Variants in ATP8B3 observed in about 807,000 individuals in gnomAD.
ATP8B3 encodes the protein phospholipid-transporting ATPase IK.
ATP8B3 carries 141 observed loss-of-function variants against 140.9 expected under a neutral mutation model. The observed-to-expected ratio is 1.00, with a 90% CI of 0.87 to 1.15. ATP8B3 has a LOEUF of 1.15. Among genes scored for constraint, ATP8B3 ranks in the 50% most tolerant of loss-of-function variants. ATP8B3 has a pLI of 0.00. For synonymous variants in ATP8B3, 765 were observed against 714.6 expected, an observed-to-expected ratio of 1.07 and a Z score of -1.13; for missense variants, 1,874 against 1,740.6, an observed-to-expected ratio of 1.08 and a Z score of -1.36.
chr19:1,811,414 G>A (rs1231749324), intron 2 of ATP8B3, 75 bp downstream of exon 2: 13 of 1,513,446 alleles, frequency 8.6e-6, no homozygotes, highest in Non-Finnish European at 1.1e-5. Context: ...CCCCCCACCT[G>A]CCAGCTCTCT....
chr19:1,802,086 T>TCCACCCCTCAC (rs2068863022), intron 11 of ATP8B3, 42 bp from the exon 12 acceptor site: 1 of 863,090 alleles, frequency 1.2e-6, no homozygotes, highest in African/African-American at 4.9e-5. Flanking sequence ...CACCCACCCA[T>TCCACCCCTCAC]CCACCCCTCA....
chr19:1,809,737 G>T lies in ATP8B3; in HGVS notation c.311-3C>A, dbSNP rs747047651. Reference sequence around the variant, plus strand: ...GGCCTGGACCTTCCAGGTGAATGCTGCAGCGAGAGAGCCGGGCGTCGCTGG... The same window carrying T: ...GGCCTGGACCTTCCAGGTGAATGCTTCAGCGAGAGAGCCGGGCGTCGCTGG... On this transcript the variant is annotated splice_polypyrimidine_tract_variant and splice_region_variant and intron_variant, in intron 3 of 28. Transcript: ENST00000310127. 6 of 1,604,944 alleles carry T rather than the reference G, an allele frequency of 3.7e-6. No individual in the cohort carries two copies. The highest frequency in any genetic ancestry group is 2.6e-6 in the Non-Finnish European group (3 of 1,176,102).
intron 4 of ATP8B3, among the ~76,000 whole-genome samples, chr19:1,809,151 G>C (rs1423136776): frequency 6.6e-6 from 1 of 151,898 alleles, no homozygotes; most frequent in Non-Finnish European, 1.5e-5. Flanking sequence ...TCCAGCCTGG[G>C]CGACAGAGCG....
chr19:1,798,268 G>T (rs2068740500), intron 14 of ATP8B3, among the ~76,000 whole-genome samples: 2 of 151,848 alleles, frequency 1.3e-5, no homozygotes, highest in Admixed American at 1.3e-4. Context: ...CCATTTCTTG[G>T]GGACTTCTCA....
intron 25 of ATP8B3, 120 bp downstream of exon 25, chr19:1,786,982 CT>C (rs2068325961): frequency 2.2e-6 from 2 of 916,678 alleles, no homozygotes; most frequent in South Asian, 1.6e-5. Flanking sequence ...ACTGCACCCC[CT>C]GAGCCCCACC....
chr19:1,800,151 C>G lies in ATP8B3; in HGVS notation c.1348G>C (p.Glu450Gln), dbSNP rs868070059. 1.3e-6 allele frequency: 2 copies of G among 1,557,690 alleles called. No individual in the cohort carries two copies. Among genetic ancestry groups the G allele is most frequent in the Non-Finnish European group, 1.7e-6 (2 of 1,150,296 alleles). ...TIPMSMFILSEFIYLGNSVFI... is the reference protein window; with the variant it reads ...TIPMSMFILSQFIYLGNSVFI... ...ACGCTGTTCCCCAGGTAGATGAACT[C>G]GGACCTGCAGAGGCACTCAGGGTCA... The change falls in exon 14 of 29, where the codon GAG becomes CAG. Residue 450 changes from glutamate to glutamine, a missense_variant. Physicochemically the swap from Glu to Gln is conservative, Grantham distance 29. Transcript: ENST00000310127. The surrounding 1 kb of genome is among the most constrained non-coding windows in gnomAD (Gnocchi z 4.4).
intron 16 of ATP8B3, 38 bp downstream of exon 16, chr19:1,796,673 C>CTG: frequency 6.3e-7 from 1 of 1,592,814 alleles, no homozygotes; most frequent in Non-Finnish European, 8.5e-7. Context: ...GCCCCGGGGG[C>CTG]TGAGCGGCCT....
At chr19:1,808,399 C>T (rs984221508) in intron 4 of ATP8B3, 64 bp from the exon 5 acceptor site, 9 of 1,295,380 alleles carry the variant, frequency 6.9e-6, no homozygotes, top group African/African-American at 1.5e-5. Context: ...ATGGGGGTGC[C>T]CGAGGCCAGA....
In ATP8B3 at chr19:1,806,542, G is replaced by C; in HGVS notation, c.677+86C>G. 1 of 1,536,978 alleles carries C rather than the reference G, an allele frequency of 6.5e-7. No individual in the cohort carries two copies. The highest frequency in any genetic ancestry group is 8.8e-7 in the Non-Finnish European group (1 of 1,142,606). Reference sequence around the variant, plus strand: ...GCCGGGAGATCAGGGAGCACGGAAGGTGATGGACACTTGCCGAGGCCGATG... The same window carrying C: ...GCCGGGAGATCAGGGAGCACGGAAGCTGATGGACACTTGCCGAGGCCGATG... On this transcript the variant is annotated intron_variant, in intron 7 of 28. Transcript: ENST00000310127. The surrounding 1 kb of genome is among the most constrained non-coding windows in gnomAD (Gnocchi z 5.6).
rs1279710154 is a variant in ATP8B3, at chr19:1,805,920, G to A, written c.789C>T (p.Ser263=). ...MLLLASTEPS[S]LCYVETVDID... is the part of the protein sequence containing the mutation. ...TGTCCACCGTCTCCACATAGCACAG[G>A]CTGCTGGGCTCCGTGCTGGCCAGCA... The change falls in exon 9 of 29, where the codon AGC becomes AGT. Residue 263 remains serine (S), a synonymous_variant. Coordinates refer to ENST00000310127, the MANE Select transcript of ATP8B3 (RefSeq NM_138813.4). The surrounding 1 kb of genome is among the most constrained non-coding windows in gnomAD (Gnocchi z 5.2). The A allele has an allele frequency of 6.2e-7, 1 of 1,612,918 alleles. No homozygotes were observed. Among genetic ancestry groups the A allele is most frequent in the East Asian group, 2.2e-5 (1 of 44,826 alleles).
At position 1,789,742 on chromosome 19, in the gene ATP8B3, G is replaced by A. The variant is rs764712508; in HGVS notation, c.2479-15C>T. ...AGCAGTTTGTCCTGGCCGGCGGGGAGGGGGCTGTGCCAGGCGCCGTGGCCT... is the reference window on the plus strand; with the variant it reads ...AGCAGTTTGTCCTGGCCGGCGGGGAAGGGGCTGTGCCAGGCGCCGTGGCCT... On this transcript the variant is annotated splice_polypyrimidine_tract_variant and intron_variant, in intron 22 of 28. Transcript: ENST00000310127. 3.9e-6 allele frequency: 6 copies of A among 1,547,402 alleles called. No homozygotes were observed. The African/African-American group carries it at 6.8e-5, about 18-fold the overall frequency.
chr19:1,793,496 C>T (rs1183843573), intron 18 of ATP8B3, among the ~76,000 whole-genome samples: 1 of 152,202 alleles, frequency 6.6e-6, no homozygotes. Flanking sequence ...CAGGCCCCTC[C>T]CTCTGACCCC....
rs2068853254 is a variant in ATP8B3 at position 1,801,839 on chromosome 19, G to A, written c.1152+117C>T. ...GAAAAATTTTCTGGCCCAAAGACCTGCCCACAGGATCAGGCCGCACATTTT... is the reference window on the plus strand; with the variant it reads ...GAAAAATTTTCTGGCCCAAAGACCTACCCACAGGATCAGGCCGCACATTTT... On this transcript the variant is annotated intron_variant, in intron 12 of 28. Transcript: ENST00000310127. 3 of 585,208 alleles carry A rather than the reference G, an allele frequency of 5.1e-6. No individual in the cohort carries two copies. The South Asian group carries it at 1.2e-4, about 24-fold the overall frequency. 36.3% of individuals were successfully genotyped at this position (585,208 alleles called of 1,614,324 possible).
Position 1,794,451 on chromosome 19 carries a change from C to A in ATP8B3, c.2055+1424G>T, listed in dbSNP as rs1170454982. Among the ~76,000 whole-genome samples, 1 of 152,002 alleles carries A rather than the reference C, an allele frequency of 6.6e-6. No homozygotes were observed. Among genetic ancestry groups the A allele is most frequent in the Admixed American group, 6.6e-5 (1 of 15,264 alleles). On this transcript the variant is annotated intron_variant, in intron 18 of 28. Transcript: ENST00000310127. The surrounding 1 kb of genome is among the most constrained non-coding windows in gnomAD (Gnocchi z 4.8). Reference sequence around the variant, plus strand: ...ACACAGGACATCTTCCCACACACACCCCGCTGCCCTGTGCTCCATGCTGCT... The same window carrying A: ...ACACAGGACATCTTCCCACACACACACCGCTGCCCTGTGCTCCATGCTGCT...
intron 22 of ATP8B3, 74 bp downstream of exon 22, chr19:1,789,816 C>G: frequency 6.3e-7 from 1 of 1,584,840 alleles, no homozygotes; most frequent in Non-Finnish European, 8.6e-7. Flanking sequence ...CAGCAGTCCC[C>G]ACCCCGAGCC....
Position 1,800,841 on chromosome 19 carries a change from T to G in ATP8B3, c.1153-392A>C, listed in dbSNP as rs2068825651. 2.0e-5 allele frequency among the ~76,000 whole-genome samples: 3 copies of G among 150,864 alleles called. No individual in the cohort carries two copies. In the South Asian group the frequency reaches 6.3e-4, roughly 32 times the overall value. ...ACTTTTTTTTTTTTAATTTTTTTTT[T>G]TTTTTGAGACAGAGTCTCGCTCTCT... On this transcript the variant is annotated intron_variant, in intron 12 of 28. Coordinates refer to ENST00000310127, the MANE Select transcript of ATP8B3 (RefSeq NM_138813.4). The surrounding 1 kb of genome is among the most constrained non-coding windows in gnomAD (Gnocchi z 4.4).
At position 1,810,522 on chromosome 19, in the gene ATP8B3, C is replaced by T. The variant is rs796503978; in HGVS notation, c.310+100G>A. ...CAAGTGATCCACCCGCCTCAGCCTC[C>T]CAAAGTGCCGGGATTACAGGGGAGA... On this transcript the variant is annotated intron_variant, in intron 3 of 28. Transcript: ENST00000310127. 1.2e-5 allele frequency: 15 copies of T among 1,248,810 alleles called. 2 individuals are homozygous for T. In the African/African-American group the frequency reaches 2.1e-4, roughly 18 times the overall value. 77.4% of individuals were successfully genotyped at this position (1,248,810 alleles called of 1,614,324 possible). A position where few individuals can be genotyped will look rare whatever the true frequency, so the allele number is the denominator to read the frequency against.
rs900839178 is a variant in ATP8B3, at chr19:1,805,952, T to C, written c.757A>G (p.Met253Val). The C allele has an allele frequency of 1.9e-6, 3 of 1,612,576 alleles. No homozygotes were observed. Among genetic ancestry groups the C allele is most frequent in the Non-Finnish European group, 2.5e-6 (3 of 1,179,816 alleles). The change falls in exon 9 of 29, where the codon ATG becomes GTG. Residue 253 changes from methionine (M) to valine (V), a missense_variant. By Grantham distance (21) the Met-to-Val change is conservative. Coordinates refer to ENST00000310127, the MANE Select transcript of ATP8B3 (RefSeq NM_138813.4). The surrounding 1 kb of genome is among the most constrained non-coding windows in gnomAD (Gnocchi z 5.2). ...LRKDNIVPAD[M>V]LLLASTEPSS... is the part of the protein sequence containing the mutation. ...GGCTCCGTGCTGGCCAGCAAGAGCA[T>C]GTCGGCCTGGTGTGGAGTGGGGGGC...
chr19:1,793,754 A>AT (rs1235521394), intron 18 of ATP8B3, among the ~76,000 whole-genome samples: 10 of 151,760 alleles, frequency 6.6e-5, no homozygotes, highest in Admixed American at 4.6e-4. Flanking sequence ...TTATTTATTT[A>AT]TTTTTTGAGA....
Sources: gnomAD v4.1 joint callset for allele counts (sites outside exome capture counted in the v4.1 genomes callset) on GRCh38, gnomAD v4.1.1 for gene constraint, Gnocchi (gnomAD v3.1) non-coding constraint, MANE v1.5 for transcripts, NCBI Gene and HGNC (gene_info 2026-07-23, HGNC 2026-07-21) for gene names.